TRPC5: variants seen among roughly 807,000 people sequenced by gnomAD.
TRPC5 encodes the protein short transient receptor potential channel 5.
Under a neutral mutation model 56.5 loss-of-function variants are expected in TRPC5, and 9 were observed. That is an observed-to-expected ratio of 0.16 (90% CI 0.10 to 0.28). The LOEUF (loss-of-function observed/expected upper bound fraction) is 0.28, where lower values mean the gene tolerates loss of function less well. TRPC5 is among the 10% of genes least tolerant of loss of function. The pLI is 1.00. For synonymous variants in TRPC5, 282 were observed against 278.5 expected (o/e 1.01, Z -0.13); for missense variants, 469 against 748.9 (o/e 0.63, Z 4.36).
chrX:111,956,449 C>A (rs1182849191), intron 1 of TRPC5, among the ~76,000 whole-genome samples: 3 of 111,333 alleles, frequency 2.7e-5, no homozygotes, highest in Non-Finnish European at 1.9e-5. Context: ...ATAAATAATT[C>A]TTAATATATA....
intron 2 of TRPC5, among the ~76,000 whole-genome samples, chrX:111,936,408 T>C (rs1239116268): frequency 9.1e-6 from 1 of 109,547 alleles, no homozygotes; most frequent in Admixed American, 9.8e-5. Context: ...GTTAGTTATA[T>C]ATGTATACAT....
At chrX:111,968,167 T>C (rs375915807) in intron 1 of TRPC5, among the ~76,000 whole-genome samples, 4 of 111,306 alleles carry the variant, frequency 3.6e-5, no homozygotes, top group African/African-American at 1.3e-4. Context: ...GGGCGAAGGA[T>C]ATGAACAGAC....
intron 4 of TRPC5, 41 bp downstream of exon 4, chrX:111,853,729 A>G: frequency 4.3e-6 from 5 of 1,165,719 alleles, no homozygotes; most frequent in Non-Finnish European, 5.8e-6. Context: ...AAACAGGACC[A>G]TCAGGCAGTC....
At chrX:111,914,813 C>T (rs779289676) in intron 2 of TRPC5, among the ~76,000 whole-genome samples, 6 of 111,810 alleles carry the variant, frequency 5.4e-5, no homozygotes, top group African/African-American at 2.0e-4. Context: ...AACATAAACA[C>T]TATCAGCATA....
At chrX:111,810,156 G>A (rs770793947) in intron 7 of TRPC5, among the ~76,000 whole-genome samples, 12 of 110,722 alleles carry the variant, frequency 1.1e-4, no homozygotes, top group South Asian at 7.7e-4. Context: ...CTCGTGATCC[G>A]CCCGCCTCGA....
chrX:112,027,637 C>T (rs1486176603), intron 1 of TRPC5, among the ~76,000 whole-genome samples: 4 of 111,138 alleles, frequency 3.6e-5, no homozygotes, highest in Admixed American at 2.9e-4. Flanking sequence ...GCTGGGACTA[C>T]AGGCGCCCGC....
intron 1 of TRPC5, among the ~76,000 whole-genome samples, chrX:111,970,710 G>A (rs1249097316): frequency 9.0e-6 from 1 of 110,585 alleles, no homozygotes; most frequent in Admixed American, 9.6e-5. Context: ...GGAATTAGGA[G>A]ACGTGGATTG....
chrX:112,071,973 A>G (rs1475559372), intron 1 of TRPC5, among the ~76,000 whole-genome samples: 2 of 111,838 alleles, frequency 1.8e-5, no homozygotes, highest in African/African-American at 3.3e-5. Flanking sequence ...TTCTATCTCT[A>G]TGATTGCTGT....
chrX:112,082,771 T>TGG lies in TRPC5; in HGVS notation c.-916_-915dup, dbSNP rs1472405523. The TGG allele has an allele frequency of 8.9e-4, 58 of 65,188 alleles. No homozygotes were observed. Among genetic ancestry groups the TGG allele is most frequent in the African/African-American group, 2.7e-3 (50 of 18,186 alleles). 5.4% of individuals were successfully genotyped at this position (65,188 alleles called of 1,213,427 possible). A position where few individuals can be genotyped will look rare whatever the true frequency, so the allele number is the denominator to read the frequency against. ...CGGACAACCCGTCGTGGTTGTGATG[T>TGG]GGGGTGTGTGTGTGTGTGTGTGTGT... On this transcript the variant is annotated 5_prime_UTR_variant, in exon 1 of 11. Coordinates refer to ENST00000262839, the MANE Select transcript of TRPC5 (RefSeq NM_012471.3).
chrX:111,785,080 G>A (rs1945950688), intron 7 of TRPC5, among the ~76,000 whole-genome samples: 1 of 112,555 alleles, frequency 8.9e-6, no homozygotes, highest in African/African-American at 3.2e-5. Flanking sequence ...CCAGCATGGC[G>A]TTTGAGCTCT....
chrX:112,026,619 C>T (rs1465055985), intron 1 of TRPC5, among the ~76,000 whole-genome samples: 1 of 111,586 alleles, frequency 9.0e-6, no homozygotes, highest in Non-Finnish European at 1.9e-5. Flanking sequence ...CTAAAAAATT[C>T]TACCAAAAAG....
At chrX:111,854,239 T>A in intron 3 of TRPC5, 133 bp from the exon 4 acceptor site, 1 of 631,145 alleles carries the variant, frequency 1.6e-6, no homozygotes, top group Non-Finnish European at 2.4e-6. Context: ...GCCTGTTTTC[T>A]AGGTGCCTGT....
chrX:112,056,752 C>T (rs1475938080), intron 1 of TRPC5, among the ~76,000 whole-genome samples: 1 of 111,949 alleles, frequency 8.9e-6, no homozygotes, highest in Non-Finnish European at 1.9e-5. Context: ...AGAGAGGGGC[C>T]ATTTTTACCA....
At chrX:111,915,593 AG>A (rs1453969869) in intron 2 of TRPC5, among the ~76,000 whole-genome samples, 1 of 111,873 alleles carries the variant, frequency 8.9e-6, no homozygotes, top group African/African-American at 3.3e-5. Flanking sequence ...TGTGGGCACA[AG>A]GTTACATGCA....
At chrX:111,876,858 C>T (rs1266090587) in intron 3 of TRPC5, among the ~76,000 whole-genome samples, 1 of 111,650 alleles carries the variant, frequency 9.0e-6, no homozygotes, top group Non-Finnish European at 1.9e-5. Context: ...TTTTCCCTTT[C>T]ACTTAGAGCT....
intron 1 of TRPC5, among the ~76,000 whole-genome samples, chrX:112,020,731 C>T (rs991611873): frequency 1.8e-5 from 2 of 111,626 alleles, no homozygotes; most frequent in Admixed American, 1.9e-4. Flanking sequence ...GTATGGCTGC[C>T]TCCTATATTT....
chrX:111,973,268 C>T (rs1427340748), intron 1 of TRPC5, among the ~76,000 whole-genome samples: 2 of 111,901 alleles, frequency 1.8e-5, no homozygotes, highest in Non-Finnish European at 3.8e-5. Context: ...GCTAATGACA[C>T]AAGGCCTTGT....
intron 1 of TRPC5, among the ~76,000 whole-genome samples, chrX:112,017,648 G>C (rs1400984591): frequency 9.0e-6 from 1 of 110,980 alleles, no homozygotes; most frequent in Non-Finnish European, 1.9e-5. Context: ...CTTGGACCTT[G>C]GGGCGCTGGG....
chrX:112,022,554 C>T (rs1929299639), intron 1 of TRPC5, among the ~76,000 whole-genome samples: 1 of 111,968 alleles, frequency 8.9e-6, no homozygotes, highest in Non-Finnish European at 1.9e-5. Flanking sequence ...ATTCACCGTT[C>T]CAGACAGAAC....
Sources: gnomAD v4.1 joint callset for allele counts (sites outside exome capture counted in the v4.1 genomes callset) on GRCh38, gnomAD v4.1.1 for gene constraint, MANE v1.5 for transcripts, NCBI Gene and HGNC (gene_info 2026-07-23, HGNC 2026-07-21) for gene names.